Variants in MBD5 observed in about 807,000 individuals in gnomAD.
The protein encoded by MBD5 is methyl-CpG-binding domain protein 5.
In MBD5, 13 loss-of-function variants were observed where a neutral mutation model predicts 117.3. That is an observed-to-expected ratio of 0.11 (90% CI 0.07 to 0.18). The LOEUF (loss-of-function observed/expected upper bound fraction) is 0.18, where lower values mean the gene tolerates loss of function less well. Ranked by LOEUF, MBD5 falls within the 10% of genes least tolerant of loss-of-function variation. The pLI is 1.00. For missense variants in MBD5, 1,879 were observed against 2,093.8 expected (o/e 0.90, Z 2.00); for synonymous variants, 727 against 766.4 (o/e 0.95, Z 0.85).
At chr2:148,276,904 G>A (rs1473431349) in intron 3 of MBD5, among the ~76,000 whole-genome samples, 1 of 152,072 alleles carries the variant, frequency 6.6e-6, no homozygotes, top group Non-Finnish European at 1.5e-5. Flanking sequence ...AGAATTTGGG[G>A]TAAAAATTCT....
intron 4 of MBD5, among the ~76,000 whole-genome samples, chr2:148,402,648 C>G (rs1231135639): frequency 6.6e-6 from 1 of 152,128 alleles, no homozygotes. Flanking sequence ...CAATTGGCAT[C>G]TTTCACTCAG....
chr2:148,399,010 A>G (rs546815403), intron 4 of MBD5, among the ~76,000 whole-genome samples: 3 of 152,230 alleles, frequency 2.0e-5, no homozygotes, highest in African/African-American at 4.8e-5. Flanking sequence ...CCATTGGTCT[A>G]TATCTCTGTT....
In MBD5 at chr2:148,023,087, C is replaced by CT. The variant is rs74710713; in HGVS notation, c.-925+1417dup. On this transcript the variant is annotated intron_variant, in intron 1 of 13. Coordinates refer to ENST00000642680, the MANE Select transcript of MBD5 (RefSeq NM_001378120.1). ...TCGCTCGCTCTCTCTCCCTCACACC[C>CT]TTTTTTTTTTTTTTGTAACTGCATT... Among the ~76,000 whole-genome samples the CT allele has an allele frequency of 2.7e-3, 387 of 142,038 alleles. 2 individuals carry two copies. The highest frequency in any genetic ancestry group is 3.6e-3 in the Middle Eastern group (1 of 274). The allele number at this position is 142,038 out of a possible 152,430, so 93.2% of individuals were successfully genotyped here. A position where few individuals can be genotyped will look rare whatever the true frequency, so the allele number is the denominator to read the frequency against.
intron 4 of MBD5, among the ~76,000 whole-genome samples, chr2:148,369,752 G>A (rs1703801834): frequency 6.6e-6 from 1 of 152,056 alleles, no homozygotes; most frequent in Admixed American, 6.6e-5. Flanking sequence ...AAATTATGAA[G>A]CAAAATTACA....
rs1321761043 is a variant in MBD5 at position 148,390,541 on chromosome 2, G to GTA, written c.-557+48214_-557+48215dup. On this transcript the variant is annotated intron_variant, in intron 4 of 13. Coordinates refer to ENST00000642680, the MANE Select transcript of MBD5 (RefSeq NM_001378120.1). ...TATGTGTGTGTGTGTGTATATGTGT[G>GTA]TATATATATACGTGTATGTGTGTAT... Among the ~76,000 whole-genome samples, 24 of 135,204 alleles carry GTA rather than the reference G, an allele frequency of 1.8e-4. 1 individual carries two copies. In the South Asian group the frequency reaches 2.9e-3, roughly 17 times the overall value. The allele number at this position is 135,204 out of a possible 152,430, so 88.7% of individuals were successfully genotyped here.
intron 2 of MBD5, among the ~76,000 whole-genome samples, chr2:148,214,951 C>T (rs1699516304): frequency 6.6e-6 from 1 of 152,132 alleles, no homozygotes; most frequent in Admixed American, 6.5e-5. Context: ...TTGCTATTTA[C>T]CTTTATTGTC....
intron 3 of MBD5, among the ~76,000 whole-genome samples, chr2:148,330,177 GAT>G (rs1156464140): frequency 7.2e-6 from 1 of 139,582 alleles, no homozygotes; most frequent in Admixed American, 7.4e-5. Context: ...CAGATAGGTT[GAT>G]ATGAGACTCC....
chr2:148,283,392 A>T (rs1397003751), intron 3 of MBD5, among the ~76,000 whole-genome samples: 1 of 152,150 alleles, frequency 6.6e-6, no homozygotes, highest in East Asian at 1.9e-4. Context: ...GATCTACATT[A>T]TCTGGTATTT....
chr2:148,201,484 C>A lies in MBD5; in HGVS notation c.-831+22691C>A, dbSNP rs148962766. Among the ~76,000 whole-genome samples the A allele has an allele frequency of 1.1e-3, 169 of 152,318 alleles. 2 individuals are homozygous for A. The East Asian group carries it at 0.027, about 25-fold the overall frequency. On this transcript the variant is annotated intron_variant, in intron 2 of 13. Transcript: ENST00000642680. ...AGAGGCGCCTTAACAACTCTGTCAGCCCGGTTGCCCTGCTCTAGCCTGCAC... is the reference window on the plus strand; with the variant it reads ...AGAGGCGCCTTAACAACTCTGTCAGACCGGTTGCCCTGCTCTAGCCTGCAC...
chr2:148,432,058 T>C (rs1706005995), intron 4 of MBD5, among the ~76,000 whole-genome samples: 1 of 152,146 alleles, frequency 6.6e-6, no homozygotes, highest in South Asian at 2.1e-4. Context: ...TTTTTAATAG[T>C]AGCCATTCTG....
At chr2:148,499,687 T>G (rs1373552556) in intron 11 of MBD5, among the ~76,000 whole-genome samples, 1 of 152,230 alleles carries the variant, frequency 6.6e-6, no homozygotes, top group African/African-American at 2.4e-5. Flanking sequence ...TGTATTTGAT[T>G]TCCTGGTCCT....
At chr2:148,279,632 A>G (rs563169062) in intron 3 of MBD5, among the ~76,000 whole-genome samples, 2 of 152,186 alleles carry the variant, frequency 1.3e-5, no homozygotes, top group Admixed American at 6.5e-5. Flanking sequence ...TGCTTAGAAT[A>G]TCATTTCCAT....
Position 148,463,912 on chromosome 2 carries a change from A to C in MBD5, c.390A>C (p.Gly130=). 1 of 1,613,446 alleles carries C rather than the reference A, an allele frequency of 6.2e-7. No homozygotes were observed. Among genetic ancestry groups the C allele is most frequent in the Non-Finnish European group, 8.5e-7 (1 of 1,179,588 alleles). ...HPSLVLTSPG[G]GTNATPVVPS... ...CTCTGGTGCTCACCAGTCCCGGAGGAGGAACAAGTATGTAATATGGTGAAA... is the reference window on the plus strand; with the variant it reads ...CTCTGGTGCTCACCAGTCCCGGAGGCGGAACAAGTATGTAATATGGTGAAA... Residue 130 remains glycine, a synonymous_variant, in exon 7 of 14, where the codon GGA becomes GGC. Transcript: ENST00000642680.
intron 3 of MBD5, among the ~76,000 whole-genome samples, chr2:148,255,722 C>T (rs1399554507): frequency 6.6e-6 from 1 of 152,226 alleles, no homozygotes; most frequent in Non-Finnish European, 1.5e-5. Flanking sequence ...GTTTAGAGCA[C>T]CAGGTCCAGC....
In MBD5 at chr2:148,472,809, C is replaced by T. The variant is rs144419582; in HGVS notation, c.2518+2348C>T. 2.2e-3 allele frequency among the ~76,000 whole-genome samples: 329 copies of T among 152,212 alleles called. 3 individuals carry two copies. Among genetic ancestry groups the T allele is most frequent in the Admixed American group, 0.019 (285 of 15,290 alleles). ...TTAAAATGTTGCTATAGCTATCTAT[C>T]GTCAAGTACCTTTTATGTACCAGGT... On this transcript the variant is annotated intron_variant, in intron 8 of 13. Coordinates refer to ENST00000642680, the MANE Select transcript of MBD5 (RefSeq NM_001378120.1).
rs556524187 is a variant in MBD5, at chr2:148,235,255, T to C, written c.-680+1860T>C. ...TTTGATCCAAGCTTGCTTGAATTTT[T>C]AGATGCAAAACTTGTGAATACAGAA... is the stretch of plus-strand genomic sequence containing the variant. On this transcript the variant is annotated intron_variant, in intron 3 of 13. Transcript: ENST00000642680. Among the ~76,000 whole-genome samples, 5 of 152,316 alleles carry C rather than the reference T, an allele frequency of 3.3e-5. No homozygotes were observed. In the South Asian group the frequency reaches 1.0e-3, roughly 32 times the overall value.
chr2:148,299,409 T>A (rs6725224), intron 3 of MBD5, among the ~76,000 whole-genome samples: 253 of 146,564 alleles, frequency 1.7e-3, no homozygotes, highest in African/African-American at 6.0e-3. Context: ...ATTACAGGAA[T>A]GAGCCACCAT....
intron 1 of MBD5, among the ~76,000 whole-genome samples, chr2:148,075,489 G>T (rs1695486299): frequency 6.6e-6 from 1 of 152,068 alleles, no homozygotes; most frequent in South Asian, 2.1e-4. Flanking sequence ...AAATATTTCT[G>T]TCTGTATATC....
intron 4 of MBD5, among the ~76,000 whole-genome samples, chr2:148,370,971 G>C (rs1344048929): frequency 6.6e-6 from 1 of 152,108 alleles, no homozygotes; most frequent in Non-Finnish European, 1.5e-5. Flanking sequence ...TTTGAAGCAG[G>C]ATTTTAATAT....
Sources: gnomAD v4.1 joint callset for allele counts (sites outside exome capture counted in the v4.1 genomes callset) on GRCh38, gnomAD v4.1.1 for gene constraint, MANE v1.5 for transcripts, NCBI Gene and HGNC (gene_info 2026-07-23, HGNC 2026-07-21) for gene names.